Variants in TCEANC2 observed in about 807,000 individuals in gnomAD.
The protein encoded by TCEANC2 is transcription elongation factor A N-terminal and central domain containing 2, also known as transcription elongation factor A N-terminal and central domain-containing protein 2.
In TCEANC2, 20 loss-of-function variants were observed where a neutral mutation model predicts 22.8. That is an observed-to-expected ratio of 0.88 (90% CI 0.62 to 1.28). The LOEUF (loss-of-function observed/expected upper bound fraction) is 1.28. TCEANC2 is among the 50% of genes most tolerant of loss of function. The pLI is 0.00. For synonymous variants in TCEANC2, 84 were observed against 95.5 expected (o/e 0.88, Z 0.70); for missense variants, 251 against 249.7 (o/e 1.01, Z -0.03).
At position 54,094,748 on chromosome 1, in the gene TCEANC2, G is replaced by A. The variant is rs571340304; in HGVS notation, c.439-1537G>A. ...AATAAATGTTTGAATGAGTGGCTAA[G>A]GTAGGGAGAGAAAGGTTAAAGGTAA... On this transcript the variant is annotated intron_variant, in intron 4 of 4. Coordinates refer to ENST00000234827, the MANE Select transcript of TCEANC2 (RefSeq NM_153035.3). Among the ~76,000 whole-genome samples, 7 of 152,286 alleles carry A rather than the reference G, an allele frequency of 4.6e-5. No homozygotes were observed. In the South Asian group the frequency reaches 1.2e-3, roughly 27 times the overall value.
chr1:54,053,638 G>A lies in TCEANC2; in HGVS notation c.-163G>A, dbSNP rs1367309395. 1.8e-5 allele frequency: 3 copies of A among 164,328 alleles called. No homozygotes were observed. The highest frequency in any genetic ancestry group is 4.0e-5 in the Non-Finnish European group (3 of 75,032). 10.2% of individuals were successfully genotyped at this position (164,328 alleles called of 1,614,324 possible). A position where few individuals can be genotyped will look rare whatever the true frequency, so the allele number is the denominator to read the frequency against. On this transcript the variant is annotated 5_prime_UTR_variant, in exon 1 of 5. Transcript: ENST00000234827. ...CGCGAGGGCCGGCGGAGTTTCTTCAGAGGAACTACCGCCCTGGGAGGAAGC... is the reference window on the plus strand; with the variant it reads ...CGCGAGGGCCGGCGGAGTTTCTTCAAAGGAACTACCGCCCTGGGAGGAAGC...
At chr1:54,075,094 T>C (rs1380444166) in intron 3 of TCEANC2, among the ~76,000 whole-genome samples, 1 of 152,256 alleles carries the variant, frequency 6.6e-6, no homozygotes, top group Non-Finnish European at 1.5e-5. Flanking sequence ...CTGTGTTTTA[T>C]AGAATCTATA....
intron 3 of TCEANC2, among the ~76,000 whole-genome samples, chr1:54,073,105 A>G (rs1430593208): frequency 6.6e-5 from 10 of 152,120 alleles, no homozygotes; most frequent in Admixed American, 6.6e-4. Flanking sequence ...AGCTGGGACT[A>G]CAGGTAGATG....
At chr1:54,076,827 A>G (rs909968237) in intron 3 of TCEANC2, among the ~76,000 whole-genome samples, 2 of 152,222 alleles carry the variant, frequency 1.3e-5, no homozygotes, top group African/African-American at 4.8e-5. Flanking sequence ...CTTACATTCT[A>G]GTGAGGAGAC....
chr1:54,088,560 A>C (rs758113957), intron 3 of TCEANC2, 37 bp from the exon 4 acceptor site: 1 of 1,554,512 alleles, frequency 6.4e-7, no homozygotes, highest in African/African-American at 1.4e-5. Context: ...AAGAAGATGT[A>C]ACAACCTTTC....
chr1:54,069,016 G>A, intron 3 of TCEANC2, 119 bp downstream of exon 3: 1 of 1,114,398 alleles, frequency 9.0e-7, no homozygotes. Context: ...CAACTCTCTG[G>A]TAAAGGACTG....
At chr1:54,093,117 A>G (rs1658478615) in intron 4 of TCEANC2, among the ~76,000 whole-genome samples, 1 of 152,238 alleles carries the variant, frequency 6.6e-6, no homozygotes, top group African/African-American at 2.4e-5. Context: ...AAAACATGTG[A>G]GAAAGAGACC....
intron 2 of TCEANC2, among the ~76,000 whole-genome samples, chr1:54,067,060 T>C (rs1657970928): frequency 6.6e-6 from 1 of 152,158 alleles, no homozygotes; most frequent in Non-Finnish European, 1.5e-5. Flanking sequence ...CCACGATATT[T>C]TTTCACTTGG....
At chr1:54,084,533 C>T (rs1334887419) in intron 3 of TCEANC2, among the ~76,000 whole-genome samples, 5 of 152,062 alleles carry the variant, frequency 3.3e-5, no homozygotes, top group Non-Finnish European at 7.4e-5. Flanking sequence ...ATCTCTGTAT[C>T]CTCAGCACCA....
At chr1:54,076,913 A>G (rs1658154113) in intron 3 of TCEANC2, among the ~76,000 whole-genome samples, 1 of 152,218 alleles carries the variant, frequency 6.6e-6, no homozygotes, top group Non-Finnish European at 1.5e-5. Context: ...CAAGAGAAAA[A>G]GTCAAGCAAG....
rs199706594 is a variant in TCEANC2 at position 54,056,294 on chromosome 1, ATTCTTTTCTT to A, written c.102+1788_102+1797del. Among the ~76,000 whole-genome samples the A allele has an allele frequency of 2.0e-3, 304 of 151,458 alleles. 6 individuals are homozygous for A. In the East Asian group the frequency reaches 0.041, roughly 20 times the overall value. On this transcript the variant is annotated intron_variant, in intron 2 of 4. Transcript: ENST00000234827. ...CTCACCTACACCTACAAACACCCAT[ATTCTTTTCTT>A]TTCTTTTCTTTTCTTTTTTTTTGAG...
Position 54,060,373 on chromosome 1 carries a change from C to T in TCEANC2, c.102+5849C>T, listed in dbSNP as rs890545481. 3.9e-5 allele frequency among the ~76,000 whole-genome samples: 6 copies of T among 151,900 alleles called. No individual in the cohort carries two copies. The South Asian group carries it at 8.3e-4, about 21-fold the overall frequency. On this transcript the variant is annotated intron_variant, in intron 2 of 4. Transcript: ENST00000234827. ...TGAGCTGAGATTGCGCCACTGCGCT[C>T]CAAGCTGGGCGACAGAGCGAGACTC...
intron 3 of TCEANC2, among the ~76,000 whole-genome samples, chr1:54,074,014 G>C (rs186730863): frequency 6.6e-6 from 1 of 152,302 alleles, no homozygotes. Context: ...TTTGGAGGTG[G>C]AGGGAATAAT....
chr1:54,107,501 G>A (rs1658777604), downstream of TCEANC2, among the ~76,000 whole-genome samples: 1 of 152,154 alleles, frequency 6.6e-6, no homozygotes, highest in Non-Finnish European at 1.5e-5. Context: ...CTCACTCAAA[G>A]GTTAGGGGGC....
intron 3 of TCEANC2, among the ~76,000 whole-genome samples, chr1:54,069,793 A>C (rs951768397): frequency 2.6e-5 from 4 of 152,228 alleles, no homozygotes; most frequent in Admixed American, 2.6e-4. Context: ...TTTCAGTTAC[A>C]TCTTGATATT....
chr1:54,099,892 T>C lies in TCEANC2; in HGVS notation c.*3419T>C, dbSNP rs1658629279. 1 of 152,130 alleles carries C rather than the reference T, an allele frequency of 6.6e-6. No homozygotes were observed. The highest frequency in any genetic ancestry group is 2.1e-4 in the South Asian group (1 of 4,832). 9.4% of individuals were successfully genotyped at this position (152,130 alleles called of 1,614,324 possible). A position where few individuals can be genotyped will look rare whatever the true frequency, so the allele number is the denominator to read the frequency against. ...GCTAGGGGAAATGTGGGAAAGTAAA[T>C]ACCATTTGTGTCTGCTCTAATAGCT... On this transcript the variant is annotated 3_prime_UTR_variant, in exon 5 of 5. Coordinates refer to ENST00000234827, the MANE Select transcript of TCEANC2 (RefSeq NM_153035.3).
At chr1:54,085,230 C>CA (rs1192626564) in intron 3 of TCEANC2, among the ~76,000 whole-genome samples, 2 of 152,168 alleles carry the variant, frequency 1.3e-5, no homozygotes, top group Non-Finnish European at 2.9e-5. Flanking sequence ...AAAGCAGGGA[C>CA]AATTGCTTGT....
chr1:54,075,952 C>T (rs1330584999), intron 3 of TCEANC2, among the ~76,000 whole-genome samples: 1 of 151,014 alleles, frequency 6.6e-6, no homozygotes, highest in Non-Finnish European at 1.5e-5. Context: ...CAGGAGAACC[C>T]AGGAGGCAGA....
intron 2 of TCEANC2, among the ~76,000 whole-genome samples, chr1:54,059,272 C>A (rs990391420): frequency 3.3e-5 from 5 of 152,060 alleles, no homozygotes; most frequent in Admixed American, 2.6e-4. Context: ...CCTGCCTCAG[C>A]CTCCCAAGTA....
Sources: gnomAD v4.1 joint callset for allele counts (sites outside exome capture counted in the v4.1 genomes callset) on GRCh38, gnomAD v4.1.1 for gene constraint, MANE v1.5 for transcripts, NCBI Gene and HGNC (gene_info 2026-07-23, HGNC 2026-07-21) for gene names.